KLRG1: variants seen among roughly 807,000 people sequenced by gnomAD.
KLRG1 encodes the protein killer cell lectin like receptor G1, also known as killer cell lectin-like receptor subfamily G member 1.
A neutral mutation model predicts 21.8 loss-of-function variants in KLRG1; 16 were observed. That is an observed-to-expected ratio of 0.73 (90% confidence interval 0.50 to 1.11). KLRG1 has a LOEUF of 1.11. Among genes scored for constraint, KLRG1 ranks in the 50% most tolerant of loss-of-function variants. The probability of loss-of-function intolerance (pLI) is 0.00; values close to 1 mark genes in which losing one functional copy is unlikely to be tolerated. For synonymous variants in KLRG1, 69 were observed against 75.9 expected, an observed-to-expected ratio of 0.91 and a Z score of 0.47; for missense variants, 173 against 218.3, an observed-to-expected ratio of 0.79 and a Z score of 1.31.
the KLRG1 span, chr12:9,153,262 C>CGGT: frequency 3.1e-6 from 5 of 1,614,000 alleles, no homozygotes; most frequent in African/African-American, 6.7e-5. Flanking sequence ...GAATCCTGAA[C>CGGT]GGTGACCTGT....
At chr12:9,148,805 A>G in the KLRG1 span, 3 of 604,966 alleles carry the variant, frequency 5.0e-6, no homozygotes, top group Non-Finnish European at 8.6e-6. Flanking sequence ...TGAACATGTT[A>G]TTAATGTCTG....
the KLRG1 span, chr12:9,064,284 A>G: frequency 1.3e-5 from 2 of 152,820 alleles, no homozygotes; most frequent in Non-Finnish European, 2.9e-5. This position sits in a 1 kb window ranked among gnomAD's most constrained non-coding sequence, Gnocchi z 4.0. Context: ...CACAAGGCTG[A>G]TGGTGGCAGC....
the KLRG1 span, chr12:9,101,658 C>T: frequency 4.7e-4 from 760 of 1,612,478 alleles, 1 homozygote; most frequent in African/African-American, 6.8e-3. Context: ...ACAGGGACTA[C>T]GATCCTTGTA....
At chr12:9,077,051 C>A in the KLRG1 span, 7 of 890,686 alleles carry the variant, frequency 7.9e-6, no homozygotes, top group South Asian at 1.5e-4. Flanking sequence ...TCCAACGATT[C>A]CTCATTCTTA....
chr12:9,150,694 A>G, the KLRG1 span: 1 of 1,613,184 alleles, frequency 6.2e-7, no homozygotes, highest in East Asian at 2.2e-5. Flanking sequence ...CAAGTCTCCT[A>G]CTGGGATGTC....
the KLRG1 span, chr12:9,201,018 G>A: frequency 6.2e-7 from 1 of 1,614,002 alleles, no homozygotes; most frequent in African/African-American, 1.3e-5. Context: ...CCAGCTTCTA[G>A]CTTGAGACTC....
chr12:9,055,080 G>A, the KLRG1 span, among the ~76,000 whole-genome samples: 1 of 152,166 alleles, frequency 6.6e-6, no homozygotes, highest in African/African-American at 2.4e-5. Context: ...CTGATATCCA[G>A]ATGTTTTTCA....
the KLRG1 span, chr12:9,154,819 G>A: frequency 3.3e-3 from 5,337 of 1,613,982 alleles, 19 homozygotes; most frequent in Non-Finnish European, 3.8e-3. Context: ...CTCTGAGGGC[G>A]CTCCCAATGG....
chr12:9,152,418 A>G, the KLRG1 span: 3 of 797,684 alleles, frequency 3.8e-6, no homozygotes, highest in Admixed American at 6.2e-5. Flanking sequence ...AGTTGTCCCT[A>G]ATATTCTACA....
chr12:9,210,531 A>G, the KLRG1 span, among the ~76,000 whole-genome samples: 1 of 152,110 alleles, frequency 6.6e-6, no homozygotes, highest in East Asian at 1.9e-4. Flanking sequence ...TAAACACAGA[A>G]TTGCCCCTTT....
chr12:8,962,511 C>T (rs995838405), intron 1 of KLRG1, among the ~76,000 whole-genome samples: 1 of 151,810 alleles, frequency 6.6e-6, no homozygotes, highest in African/African-American at 2.4e-5. Flanking sequence ...CCCAGGAGTT[C>T]AAGATCAGCC....
chr12:9,054,953 A>G, the KLRG1 span, among the ~76,000 whole-genome samples: 1 of 152,220 alleles, frequency 6.6e-6, no homozygotes, highest in Non-Finnish European at 1.5e-5. Context: ...AATATTTCAA[A>G]TCTAAAAAAT....
rs750931772 is a variant in KLRG1 at position 8,992,708 on chromosome 12, A to T, written c.187+398A>T. On this transcript the variant is annotated intron_variant, in intron 2 of 4. Transcript: ENST00000356986. ...GGCTAATTTTTGTATTATTATTATT[A>T]TTTTTTTTTTTTTGTAAAGACATTT... 6.4e-4 allele frequency among the ~76,000 whole-genome samples: 96 copies of T among 148,840 alleles called. 1 individual carries two copies. The highest frequency in any genetic ancestry group is 4.1e-3 in the East Asian group (21 of 5,070).
the KLRG1 span, chr12:9,169,803 T>C: frequency 2.4e-6 from 1 of 423,980 alleles, no homozygotes; most frequent in Non-Finnish European, 4.0e-6. Flanking sequence ...CTTCCAAAGA[T>C]TAACAAAATC....
the KLRG1 span, among the ~76,000 whole-genome samples, chr12:9,186,245 A>T: frequency 6.6e-6 from 1 of 152,222 alleles, no homozygotes; most frequent in Non-Finnish European, 1.5e-5. Context: ...AACTTGCAAG[A>T]GCTCCAGAAA....
intron 1 of KLRG1, among the ~76,000 whole-genome samples, chr12:8,951,560 A>G (rs1389085983): frequency 6.6e-6 from 1 of 152,240 alleles, no homozygotes; most frequent in African/African-American, 2.4e-5. Flanking sequence ...ATGCATTGCT[A>G]CTTAACCAAT....
At chr12:9,093,672 A>C in the KLRG1 span, 10 of 717,034 alleles carry the variant, frequency 1.4e-5, no homozygotes, top group Non-Finnish European at 1.9e-5. Flanking sequence ...AAAAACAAAA[A>C]ACAAATCGTC....
the KLRG1 span, chr12:9,196,598 C>T: frequency 6.2e-7 from 1 of 1,612,408 alleles, no homozygotes; most frequent in Non-Finnish European, 8.5e-7. Context: ...ATCCTGGCTT[C>T]CACTCTAAGC....
In KLRG1 at chr12:8,960,836, A is replaced by G. The variant is rs190822233; in HGVS notation, c.-156+10600A>G. Among the ~76,000 whole-genome samples the G allele has an allele frequency of 3.3e-5, 5 of 152,314 alleles. No individual in the cohort carries two copies. In the East Asian group the frequency reaches 9.7e-4, roughly 29 times the overall value. ...CACATTATAAAAATTCAGATTCCTT[A>G]AGCTCAAGGGAGATTCCCTAAGGTC... On this transcript the variant is annotated intron_variant, in intron 1 of 4. Transcript: ENST00000539240.
Sources: allele counts gnomAD v4.1 joint callset (sites outside exome capture counted in the v4.1 genomes callset), GRCh38; gene constraint gnomAD v4.1.1; non-coding constraint Gnocchi (gnomAD v3.1); transcripts MANE v1.5; gene names NCBI Gene and HGNC (gene_info 2026-07-23, HGNC 2026-07-21).